Variants in LIN7A observed in about 807,000 individuals in gnomAD.
LIN7A encodes the protein protein lin-7 homolog A.
Under a neutral mutation model 29.8 loss-of-function variants are expected in LIN7A, and 25 were observed. The observed-to-expected ratio is 0.84, with a 90% CI of 0.61 to 1.17. The LOEUF (loss-of-function observed/expected upper bound fraction) is 1.17. Ranked by LOEUF, LIN7A falls within the 50% of genes most tolerant of loss-of-function variation. LIN7A has a pLI of 0.00. For synonymous variants in LIN7A, 118 were observed against 107.5 expected (o/e 1.10, Z -0.60); for missense variants, 239 against 287.0 (o/e 0.83, Z 1.21).
chr12:80,839,184 A>G (rs1872703436), intron 4 of LIN7A, among the ~76,000 whole-genome samples: 2 of 152,232 alleles, frequency 1.3e-5, no homozygotes, highest in Non-Finnish European at 2.9e-5. Flanking sequence ...TCTTTTCTAC[A>G]TTGTACATGA....
intron 4 of LIN7A, among the ~76,000 whole-genome samples, chr12:80,812,386 G>T (rs1428267976): frequency 6.8e-6 from 1 of 148,148 alleles, no homozygotes; most frequent in Non-Finnish European, 1.5e-5. Flanking sequence ...AATTTAAAAT[G>T]CCACAGGAAA....
At chr12:80,876,192 A>G (rs1285529010) in intron 2 of LIN7A, among the ~76,000 whole-genome samples, 1 of 152,070 alleles carries the variant, frequency 6.6e-6, no homozygotes, top group Non-Finnish European at 1.5e-5. Context: ...TAGGATCAAA[A>G]CTATGTGCCA....
At position 80,843,976 on chromosome 12, in the gene LIN7A, T is replaced by TTA. The variant is rs772474959; in HGVS notation, c.483+1752_483+1753dup. 5.3e-3 allele frequency among the ~76,000 whole-genome samples: 793 copies of TTA among 150,354 alleles called. 20 individuals carry two copies. The highest frequency in any genetic ancestry group is 2.0e-3 in the Non-Finnish European group (135 of 67,468). On this transcript the variant is annotated intron_variant, in intron 4 of 5. Transcript: ENST00000552864. Reference sequence around the variant, plus strand: ...CAAAGTCAACCACGTATTAAATTTATTATATATATATATATTCTTACTTTA... The same window carrying TTA: ...CAAAGTCAACCACGTATTAAATTTATTATATATATATATATATTCTTACTTTA...
chr12:80,844,159 C>A (rs996880373), intron 4 of LIN7A, among the ~76,000 whole-genome samples: 2 of 152,058 alleles, frequency 1.3e-5, no homozygotes, highest in African/African-American at 4.8e-5. Flanking sequence ...TGTGACCTAG[C>A]TCTAGAGTCC....
At chr12:80,895,894 G>C (rs1875865605) in intron 1 of LIN7A, among the ~76,000 whole-genome samples, 1 of 152,182 alleles carries the variant, frequency 6.6e-6, no homozygotes, top group African/African-American at 2.4e-5. Context: ...TCACTGAGCT[G>C]TTGTACTAGC....
chr12:80,929,351 T>C (rs1592958252), intron 1 of LIN7A, among the ~76,000 whole-genome samples: 1 of 152,356 alleles, frequency 6.6e-6, no homozygotes, highest in East Asian at 1.9e-4. Flanking sequence ...AAGCTAGGAA[T>C]AATTTTAGAA....
chr12:80,832,541 T>A, intron 4 of LIN7A: 1 of 482,648 alleles, frequency 2.1e-6, no homozygotes, highest in Non-Finnish European at 4.3e-6. Flanking sequence ...ATGCTCCTCA[T>A]TTATTGAATC....
At chr12:80,813,445 C>T (rs1279868004) in intron 4 of LIN7A, among the ~76,000 whole-genome samples, 4 of 152,050 alleles carry the variant, frequency 2.6e-5, no homozygotes, top group Non-Finnish European at 4.4e-5. Context: ...AGGGCACTAT[C>T]GTTATGCATT....
chr12:80,845,898 G>A lies in LIN7A; in HGVS notation c.315C>T (p.His105=). 6.2e-7 allele frequency: 1 copy of A among 1,611,460 alleles called. No homozygotes were observed. The change falls in exon 4 of 6, where the codon CAC becomes CAT. Residue 105 remains histidine, a synonymous_variant. Transcript: ENST00000552864. ...AAFAASEGHS[H]PRVVELPKTD... is the part of the protein sequence containing the mutation. ...TCTTTGGCAGTTCAACTACTCGAGG[G>A]TGGGAGTGGCCTTCACTAGCTGCAA...
At chr12:80,911,164 T>C (rs775730003) in intron 1 of LIN7A, among the ~76,000 whole-genome samples, 1 of 152,172 alleles carries the variant, frequency 6.6e-6, no homozygotes, top group African/African-American at 2.4e-5. Flanking sequence ...AGTACATATG[T>C]TCACTGACTC....
At chr12:80,851,798 C>A (rs1873348465) in intron 2 of LIN7A, among the ~76,000 whole-genome samples, 1 of 151,966 alleles carries the variant, frequency 6.6e-6, no homozygotes, top group South Asian at 2.1e-4. Flanking sequence ...GGGTTTAGTT[C>A]CTAGTGTAAG....
rs1030254444 is a variant in LIN7A, at chr12:80,796,606, G to A, written c.*1121C>T. On this transcript the variant is annotated 3_prime_UTR_variant, in exon 6 of 6. Transcript: ENST00000552864. ...CTGGTTTCCACCTGCCCAATTATAA[G>A]AGAAATAATACTTGTTTATCTGAGA... is the stretch of plus-strand genomic sequence containing the variant. The A allele has an allele frequency of 6.6e-6, 1 of 152,092 alleles. No homozygotes were observed. The highest frequency in any genetic ancestry group is 1.5e-5 in the Non-Finnish European group (1 of 67,996). The allele number at this position is 152,092 out of a possible 1,614,324, so 9.4% of individuals were successfully genotyped here.
intron 2 of LIN7A, among the ~76,000 whole-genome samples, chr12:80,857,753 A>G (rs577233620): frequency 6.6e-6 from 1 of 152,328 alleles, no homozygotes; most frequent in South Asian, 2.1e-4. Flanking sequence ...AGATTAGATG[A>G]AGATGAGAAG....
chr12:80,857,570 C>T (rs543407041), intron 2 of LIN7A, among the ~76,000 whole-genome samples: 1 of 152,198 alleles, frequency 6.6e-6, no homozygotes, highest in East Asian at 1.9e-4. Context: ...GTGATACATG[C>T]CATTTATGAT....
At chr12:80,861,649 A>C (rs1046893011) in intron 2 of LIN7A, 1 of 152,278 alleles carries the variant, frequency 6.6e-6, no homozygotes, top group Non-Finnish European at 1.5e-5. Flanking sequence ...ATTAGTCAAC[A>C]CTGATGTCCC....
chr12:80,840,049 C>T (rs1028690602), intron 4 of LIN7A, among the ~76,000 whole-genome samples: 4 of 152,060 alleles, frequency 2.6e-5, no homozygotes, highest in South Asian at 2.1e-4. Flanking sequence ...AGTCCTCATG[C>T]TTATATTTTA....
intron 4 of LIN7A, among the ~76,000 whole-genome samples, chr12:80,815,880 G>A (rs572055621): frequency 2.4e-4 from 37 of 152,248 alleles, no homozygotes; most frequent in African/African-American, 7.5e-4. Flanking sequence ...GGAGTGATGA[G>A]AACAGCCTGA....
In LIN7A at chr12:80,808,307, T is replaced by C. The variant is rs116012485; in HGVS notation, c.*3158A>G. Among the ~76,000 whole-genome samples, 904 of 152,266 alleles carry C rather than the reference T, an allele frequency of 5.9e-3. 13 individuals are homozygous for C. The highest frequency in any genetic ancestry group is 0.021 in the African/African-American group (868 of 41,538). ...CTCTATTTAAACCCCCTATTTTTAC[T>C]CTGCAAAGTACTGGTCCCAATAGGA... On this transcript the variant is annotated intron_variant, in intron 5 of 5. Transcript: ENST00000552864.
At chr12:80,911,514 G>C (rs774196783) in intron 1 of LIN7A, among the ~76,000 whole-genome samples, 8 of 152,046 alleles carry the variant, frequency 5.3e-5, no homozygotes, top group Non-Finnish European at 1.0e-4. Context: ...AAGGGATATA[G>C]CACCTTAATA....
Sources: allele counts gnomAD v4.1 joint callset (sites outside exome capture counted in the v4.1 genomes callset), GRCh38; gene constraint gnomAD v4.1.1; transcripts MANE v1.5; gene names NCBI Gene and HGNC (gene_info 2026-07-23, HGNC 2026-07-21).